The following TIPIN variants were observed in gnomAD, a reference collection of about 807,000 sequenced individuals.
The protein encoded by TIPIN is TIMELESS interacting protein, also known as TIMELESS-interacting protein.
A neutral mutation model predicts 35.6 loss-of-function variants in TIPIN; 29 were observed. That is an observed-to-expected ratio of 0.82 (90% CI 0.61 to 1.11). TIPIN has a LOEUF of 1.11. Ranked by LOEUF, TIPIN falls within the 50% of genes most tolerant of loss-of-function variation. The probability of loss-of-function intolerance (pLI) is 0.00; values close to 1 mark genes in which losing one functional copy is unlikely to be tolerated. For missense variants in TIPIN, 296 were observed against 345.4 expected, an observed-to-expected ratio of 0.86 and a Z score of 1.13; for synonymous variants, 102 against 121.5, an observed-to-expected ratio of 0.84 and a Z score of 1.06.
At chr15:66,373,854 C>A (rs571981440) in intron 1 of TIPIN, among the ~76,000 whole-genome samples, 2 of 151,942 alleles carry the variant, frequency 1.3e-5, no homozygotes, top group East Asian at 3.9e-4. Context: ...AGGCATGTAC[C>A]ATTACACCTG....
chr15:66,366,997 A>G, intron 1 of TIPIN: 1 of 446,254 alleles, frequency 2.2e-6, no homozygotes, highest in Non-Finnish European at 3.0e-6. Flanking sequence ...CCTGGTCAAC[A>G]TGACGAAACA....
At chr15:66,373,028 A>G (rs925294393) in intron 1 of TIPIN, among the ~76,000 whole-genome samples, 4 of 152,230 alleles carry the variant, frequency 2.6e-5, no homozygotes, top group Non-Finnish European at 5.9e-5. Flanking sequence ...ATAGGTTTGT[A>G]GCCTAGGAGC....
At chr15:66,365,223 C>T (rs2093249096) in intron 1 of TIPIN, among the ~76,000 whole-genome samples, 1 of 152,082 alleles carries the variant, frequency 6.6e-6, no homozygotes, top group Non-Finnish European at 1.5e-5. Context: ...CCAAAACCCA[C>T]CAAAATCAAG....
upstream of TIPIN, among the ~76,000 whole-genome samples, chr15:66,356,947 C>G (rs1221709339): frequency 6.6e-6 from 1 of 151,760 alleles, no homozygotes; most frequent in African/African-American, 2.4e-5. Flanking sequence ...GACTAAGTCT[C>G]GCTCTATCAC....
intron 1 of TIPIN, chr15:66,379,613 G>A: frequency 6.2e-7 from 1 of 1,609,632 alleles, no homozygotes; most frequent in South Asian, 1.1e-5. Flanking sequence ...TAACGACGAT[G>A]ATGGGGAAGT....
chr15:66,345,164 G>A (rs1301736177), intron 6 of TIPIN, among the ~76,000 whole-genome samples: 2 of 152,152 alleles, frequency 1.3e-5, no homozygotes, highest in Admixed American at 1.3e-4. Flanking sequence ...GTTGTCATTT[G>A]AGCACAGTTT....
At chr15:66,382,720 C>T (rs1238953637) in intron 1 of TIPIN, 1 of 161,216 alleles carries the variant, frequency 6.2e-6, no homozygotes, top group African/African-American at 2.4e-5. Flanking sequence ...GATCTAGCTA[C>T]ACTGTGTACA....
chr15:66,384,298 A>G (rs2093328743), intron 1 of TIPIN, among the ~76,000 whole-genome samples: 1 of 126,298 alleles, frequency 7.9e-6, no homozygotes, highest in Non-Finnish European at 1.7e-5. Context: ...CGCCCGGCCT[A>G]TTTTATTTAT....
chr15:66,375,851 C>T (rs991024802), intron 1 of TIPIN, among the ~76,000 whole-genome samples: 12 of 130,062 alleles, frequency 9.2e-5, no homozygotes, highest in African/African-American at 2.9e-4. Flanking sequence ...CCTGTAGTCC[C>T]AGCACTTTGG....
In TIPIN at chr15:66,345,343, C is replaced by T. The variant is rs62627314; in HGVS notation, c.475+3717G>A. Among the ~76,000 whole-genome samples the T allele has an allele frequency of 2.0e-5, 3 of 152,072 alleles. No homozygotes were observed. The East Asian group carries it at 5.8e-4, about 29-fold the overall frequency. On this transcript the variant is annotated intron_variant, in intron 6 of 7. Coordinates refer to ENST00000261881, the MANE Select transcript of TIPIN (RefSeq NM_017858.3). ...CTGTAATCCCGGCACGTTGGGAGGCCAAGGCAGACTGTTTGAGGCCAGGAG... is the reference window on the plus strand; with the variant it reads ...CTGTAATCCCGGCACGTTGGGAGGCTAAGGCAGACTGTTTGAGGCCAGGAG...
intron 2 of TIPIN, 150 bp from the exon 3 acceptor site, chr15:66,352,357 G>GAGCCAAGATCGCACCACT: frequency 1.6e-6 from 1 of 619,470 alleles, no homozygotes; most frequent in Non-Finnish European, 2.8e-6. Context: ...GGAGTGCAGT[G>GAGCCAAGATCGCACCACT]GTGCGATCTT....
At chr15:66,385,025 A>G (rs2093331448) in intron 1 of TIPIN, among the ~76,000 whole-genome samples, 3 of 152,196 alleles carry the variant, frequency 2.0e-5, no homozygotes, top group Admixed American at 2.0e-4. Context: ...CTCCCTTCCC[A>G]TACTTCTAAC....
chr15:66,377,767 C>T (rs548178530), intron 1 of TIPIN, among the ~76,000 whole-genome samples: 2 of 152,116 alleles, frequency 1.3e-5, no homozygotes, highest in African/African-American at 4.8e-5. Context: ...ACCTCTCCCT[C>T]CTGGGCTCAA....
At chr15:66,366,098 A>G (rs1307418492) in intron 1 of TIPIN, among the ~76,000 whole-genome samples, 1 of 151,754 alleles carries the variant, frequency 6.6e-6, no homozygotes, top group African/African-American at 2.4e-5. Context: ...ATTTTATCCC[A>G]GGTAAAAGGC....
chr15:66,358,899 C>T (rs1158548690), upstream of TIPIN, among the ~76,000 whole-genome samples: 1 of 151,974 alleles, frequency 6.6e-6, no homozygotes, highest in Non-Finnish European at 1.5e-5. Flanking sequence ...AATAATTAGC[C>T]AGGTGTGGTG....
chr15:66,378,302 A>T (rs896137050), intron 1 of TIPIN, among the ~76,000 whole-genome samples: 9 of 151,992 alleles, frequency 5.9e-5, no homozygotes, highest in African/African-American at 1.2e-4. Context: ...CACCCGGCCA[A>T]ATTTTTGTAT....
chr15:66,379,998 C>CTTTTTTTTTTTTTTTTTTTT (rs200332730), intron 1 of TIPIN: 3 of 276,086 alleles, frequency 1.1e-5, no homozygotes, highest in Non-Finnish European at 1.3e-5. Flanking sequence ...TTCTTTCTTT[C>CTTTTTTTTTTTTTTTTTTTT]TTTCTTTTTT....
chr15:66,369,910 C>T (rs2093271785), intron 1 of TIPIN, among the ~76,000 whole-genome samples: 1 of 152,086 alleles, frequency 6.6e-6, no homozygotes, highest in Non-Finnish European at 1.5e-5. Flanking sequence ...CTTTGCAAAG[C>T]ACTTGGCAGG....
chr15:66,360,565 C>G (rs751129721), upstream of TIPIN, among the ~76,000 whole-genome samples: 18 of 152,194 alleles, frequency 1.2e-4, no homozygotes, highest in Non-Finnish European at 1.9e-4. Flanking sequence ...TGCAGTGGCT[C>G]CCGTCTGTAA....
Sources: allele counts gnomAD v4.1 joint callset (sites outside exome capture counted in the v4.1 genomes callset), GRCh38; gene constraint gnomAD v4.1.1; transcripts MANE v1.5; gene names NCBI Gene and HGNC (gene_info 2026-07-23, HGNC 2026-07-21).